RBFOX1: variants seen among roughly 807,000 people sequenced by gnomAD.
RBFOX1 encodes RNA binding protein fox-1 homolog 1.
Under a neutral mutation model 57.7 loss-of-function variants are expected in RBFOX1, and 8 were observed. That is an observed-to-expected ratio of 0.14 (90% CI 0.08 to 0.25). The LOEUF (loss-of-function observed/expected upper bound fraction) is 0.25, where lower values mean the gene tolerates loss of function less well. RBFOX1 is among the 10% of genes least tolerant of loss of function. The pLI is 1.00. For synonymous variants in RBFOX1, 326 were observed against 222.4 expected (o/e 1.47, Z -4.15); for missense variants, 611 against 548.5 (o/e 1.11, Z -1.14).
intron 12 of RBFOX1, among the ~76,000 whole-genome samples, chr16:7,661,249 C>G (rs2067645216): frequency 6.6e-6 from 1 of 152,206 alleles, no homozygotes; most frequent in South Asian, 2.1e-4. Context: ...CTCTCCAATA[C>G]ATGTGCACTT....
At chr16:6,853,365 A>C (rs995668033) in intron 3 of RBFOX1, among the ~76,000 whole-genome samples, 1 of 152,050 alleles carries the variant, frequency 6.6e-6, no homozygotes, top group African/African-American at 2.4e-5. Flanking sequence ...AGCATACCCT[A>C]AGGGTTGGCT....
chr16:6,861,732 C>T (rs1283776951), intron 3 of RBFOX1, among the ~76,000 whole-genome samples: 1 of 150,952 alleles, frequency 6.6e-6, no homozygotes, highest in Non-Finnish European at 1.5e-5. Flanking sequence ...TCAGGATTTA[C>T]AGCTATTTGA....
chr16:5,909,197 A>T (rs980124913), intron 4 of RBFOX1, among the ~76,000 whole-genome samples: 1 of 142,770 alleles, frequency 7.0e-6, no homozygotes. Context: ...GGTTCACGCC[A>T]TTCTCCTGCT....
At chr16:5,578,818 GA>G (rs1287951802) in intron 2 of RBFOX1, among the ~76,000 whole-genome samples, 1 of 146,744 alleles carries the variant, frequency 6.8e-6, no homozygotes, top group African/African-American at 2.5e-5. Flanking sequence ...ACTAGCGCAT[GA>G]AACCTCCACA....
chr16:6,899,639 A>C (rs2067953495), intron 3 of RBFOX1, among the ~76,000 whole-genome samples: 1 of 152,236 alleles, frequency 6.6e-6, no homozygotes. Flanking sequence ...TGAAATGGGA[A>C]GAATAAACGT....
chr16:5,425,280 A>AT (rs1366903966), intron 1 of RBFOX1, among the ~76,000 whole-genome samples: 2 of 151,798 alleles, frequency 1.3e-5, no homozygotes, highest in African/African-American at 4.8e-5. Flanking sequence ...TAATTTTTGT[A>AT]TTTTTAGTAG....
chr16:7,655,344 C>T (rs549631538), intron 12 of RBFOX1, among the ~76,000 whole-genome samples: 13 of 152,160 alleles, frequency 8.5e-5, no homozygotes, highest in Non-Finnish European at 1.8e-4. Flanking sequence ...CAACTTTGAG[C>T]TTCTTGGACA....
At chr16:7,223,153 C>G (rs554026808) in intron 4 of RBFOX1, among the ~76,000 whole-genome samples, 21 of 152,286 alleles carry the variant, frequency 1.4e-4, no homozygotes, top group Non-Finnish European at 2.5e-4. Flanking sequence ...AGGGCTGAAG[C>G]GAAGGGTTGA....
chr16:7,254,471 A>G (rs553248748), intron 4 of RBFOX1, among the ~76,000 whole-genome samples: 1 of 151,354 alleles, frequency 6.6e-6, no homozygotes, highest in African/African-American at 2.4e-5. Flanking sequence ...AAGACTCCAA[A>G]TGTCATGTTC....
At chr16:5,365,820 A>G in intron 1 of RBFOX1, 2 of 518,052 alleles carry the variant, frequency 3.9e-6, no homozygotes, top group South Asian at 1.4e-5. Flanking sequence ...GGACATGGAC[A>G]TGAGCCCCCT....
At chr16:7,178,447 A>C (rs553572246) in intron 4 of RBFOX1, among the ~76,000 whole-genome samples, 1 of 152,344 alleles carries the variant, frequency 6.6e-6, no homozygotes, top group Admixed American at 6.5e-5. Context: ...GATATGGGTA[A>C]ACACTAAATT....
chr16:7,369,274 C>T (rs1407832652), intron 4 of RBFOX1, among the ~76,000 whole-genome samples: 6 of 152,002 alleles, frequency 3.9e-5, no homozygotes, highest in Non-Finnish European at 8.8e-5. Flanking sequence ...CTCTCGGGGG[C>T]TGACCATGTC....
intron 1 of RBFOX1, among the ~76,000 whole-genome samples, chr16:5,242,038 C>T (rs2062181051): frequency 6.6e-6 from 1 of 152,012 alleles, no homozygotes; most frequent in Non-Finnish European, 1.5e-5. Context: ...TTGCTAGAGC[C>T]TGGAAGGTCC....
chr16:7,666,413 G>C (rs535810950), intron 13 of RBFOX1, among the ~76,000 whole-genome samples: 1 of 151,850 alleles, frequency 6.6e-6, no homozygotes. Flanking sequence ...AGATTTTCCT[G>C]AGTTTAGTTA....
At chr16:6,689,720 G>C (rs1055100472) in intron 3 of RBFOX1, among the ~76,000 whole-genome samples, 2 of 152,220 alleles carry the variant, frequency 1.3e-5, no homozygotes, top group South Asian at 4.2e-4. Flanking sequence ...GTTCTGTTTG[G>C]TTCTTCCCTG....
intron 3 of RBFOX1, among the ~76,000 whole-genome samples, chr16:5,754,568 A>G (rs1165024404): frequency 7.5e-6 from 1 of 134,020 alleles, no homozygotes; most frequent in Non-Finnish European, 1.6e-5. Context: ...TTTATTGATC[A>G]TCTGTGGGTG....
chr16:5,631,922 G>A (rs546505286), intron 3 of RBFOX1, among the ~76,000 whole-genome samples: 2 of 152,186 alleles, frequency 1.3e-5, no homozygotes, highest in South Asian at 4.1e-4. Context: ...ATGATAGAGT[G>A]GAGACAGTAG....
chr16:6,999,609 T>C (rs1176332991), intron 3 of RBFOX1, among the ~76,000 whole-genome samples: 5 of 152,072 alleles, frequency 3.3e-5, no homozygotes, highest in Admixed American at 2.0e-4. Flanking sequence ...CAACTACCAA[T>C]ATGTGGCCAA....
At chr16:6,357,566 G>GCTCT (rs4036869) in intron 2 of RBFOX1, among the ~76,000 whole-genome samples, 4 of 150,312 alleles carry the variant, frequency 2.7e-5, no homozygotes, top group African/African-American at 9.8e-5. Flanking sequence ...TCTCTTGCTT[G>GCTCT]CTCTCTCTCT....
Sources: gnomAD v4.1 joint callset for allele counts (sites outside exome capture counted in the v4.1 genomes callset) on GRCh38, gnomAD v4.1.1 for gene constraint, MANE v1.5 for transcripts, NCBI Gene and HGNC (gene_info 2026-07-23, HGNC 2026-07-21) for gene names.